The following POU6F2 variants were observed in gnomAD, a reference collection of about 807,000 sequenced individuals.
The protein encoded by POU6F2 is POU domain, class 6, transcription factor 2.
A neutral mutation model predicts 71.3 loss-of-function variants in POU6F2; 31 were observed. The observed-to-expected ratio is 0.43, with a 90% confidence interval of 0.33 to 0.59. POU6F2 has a LOEUF of 0.59. Among genes scored for constraint, POU6F2 ranks in the 20% least tolerant of loss-of-function variants. The pLI, the probability that POU6F2 is intolerant of heterozygous loss-of-function variation, is 0.04. For synonymous variants in POU6F2, 347 were observed against 355.7 expected, an observed-to-expected ratio of 0.98 and a Z score of 0.27; for missense variants, 783 against 856.8, an observed-to-expected ratio of 0.91 and a Z score of 1.07.
At chr7:39,042,832 G>A (rs1421904473) in intron 1 of POU6F2, among the ~76,000 whole-genome samples, 2 of 149,116 alleles carry the variant, frequency 1.3e-5, no homozygotes, top group African/African-American at 5.1e-5. Context: ...GCTAAGTCGT[G>A]CCTTCAGGGC....
At chr7:39,200,966 G>A (rs1284200487) in intron 2 of POU6F2, among the ~76,000 whole-genome samples, 4 of 152,064 alleles carry the variant, frequency 2.6e-5, no homozygotes, top group Non-Finnish European at 5.9e-5. Context: ...GATCAAGGTT[G>A]CAGTGAGCAA....
intron 2 of POU6F2, among the ~76,000 whole-genome samples, chr7:39,182,136 C>T (rs1793447227): frequency 6.6e-6 from 1 of 152,178 alleles, no homozygotes; most frequent in Non-Finnish European, 1.5e-5. Flanking sequence ...ATAATATTGA[C>T]ATTGTAAATG....
rs60869724 is a variant in POU6F2 at position 39,206,651 on chromosome 7, G to T, written c.370-741G>T. Among the ~76,000 whole-genome samples, 3 of 152,208 alleles carry T rather than the reference G, an allele frequency of 2.0e-5. No individual in the cohort carries two copies. The East Asian group carries it at 5.8e-4, about 29-fold the overall frequency. On this transcript the variant is annotated intron_variant, in intron 3 of 9. Transcript: ENST00000518318. The stretch of plus-strand genomic sequence containing the variant: ...ACATTTTCTATTTTTCTAAAGAGGT[G>T]TCATAATGATCCATTTTAATGACTA...
At chr7:39,042,553 C>T (rs1790211963) in intron 1 of POU6F2, among the ~76,000 whole-genome samples, 1 of 151,854 alleles carries the variant, frequency 6.6e-6, no homozygotes. Flanking sequence ...GTAGCATGAA[C>T]AAGAAAAAAA....
At chr7:39,358,627 C>T (rs1424935525) in intron 5 of POU6F2, among the ~76,000 whole-genome samples, 1 of 152,078 alleles carries the variant, frequency 6.6e-6, no homozygotes, top group Non-Finnish European at 1.5e-5. Flanking sequence ...ATTTAAGGCT[C>T]AAGGGCAATA....
chr7:39,201,932 G>C (rs1793913934), intron 2 of POU6F2, among the ~76,000 whole-genome samples: 1 of 152,124 alleles, frequency 6.6e-6, no homozygotes, highest in Admixed American at 6.6e-5. Context: ...CATCTGTTTG[G>C]GGAAAATGGG....
At chr7:39,064,315 G>C (rs1790714362) in intron 1 of POU6F2, among the ~76,000 whole-genome samples, 1 of 151,890 alleles carries the variant, frequency 6.6e-6, no homozygotes, top group Admixed American at 6.6e-5. Context: ...CATTGAGAAA[G>C]GGTGCTTCAA....
intron 1 of POU6F2, among the ~76,000 whole-genome samples, chr7:39,082,794 GCA>G (rs35710081): frequency 0.049 from 6,648 of 137,034 alleles, 141 homozygotes; most frequent in Middle Eastern, 0.076. Context: ...ACCATGTCAT[GCA>G]CACACACACA....
rs1045061753 is a variant in POU6F2 at position 39,461,755 on chromosome 7, A to G, written c.1658+1040A>G. Among the ~76,000 whole-genome samples the G allele has an allele frequency of 3.3e-5, 5 of 152,314 alleles. No homozygotes were observed. In the East Asian group the frequency reaches 9.6e-4, roughly 29 times the overall value. On this transcript the variant is annotated intron_variant, in intron 9 of 9. Coordinates refer to ENST00000518318, the MANE Select transcript of POU6F2 (RefSeq NM_001370959.1). ...TTGATTGTTGTTAAATACAAAAAGC[A>G]CCATAGGATCCTCTCACTTCTATGG... is the stretch of plus-strand genomic sequence containing the variant.
At chr7:39,366,923 C>T (rs547982569) in intron 5 of POU6F2, among the ~76,000 whole-genome samples, 148 of 152,098 alleles carry the variant, frequency 9.7e-4, no homozygotes, top group Non-Finnish European at 2.0e-3. Context: ...GGCTTACTTC[C>T]GGTGGCCTCC....
intron 1 of POU6F2, among the ~76,000 whole-genome samples, chr7:39,052,557 G>A (rs1047110867): frequency 1.3e-5 from 2 of 152,004 alleles, no homozygotes; most frequent in Non-Finnish European, 2.9e-5. Flanking sequence ...TGGGAGAAAC[G>A]GCCCCCATGA....
intron 2 of POU6F2, among the ~76,000 whole-genome samples, chr7:39,142,183 T>C (rs1047122656): frequency 6.6e-5 from 10 of 152,166 alleles, no homozygotes; most frequent in Admixed American, 5.2e-4. Flanking sequence ...TGTAAGGTCA[T>C]CTCTTTAACT....
chr7:39,451,093 A>G (rs1788649308), intron 7 of POU6F2, among the ~76,000 whole-genome samples: 1 of 152,132 alleles, frequency 6.6e-6, no homozygotes, highest in Non-Finnish European at 1.5e-5. Context: ...TTCTAAAAAT[A>G]CCAGTTTACA....
chr7:39,246,238 G>A (rs1173956787), intron 4 of POU6F2, among the ~76,000 whole-genome samples: 6 of 152,182 alleles, frequency 3.9e-5, no homozygotes, highest in Admixed American at 3.9e-4. Flanking sequence ...GCATGGTGAT[G>A]GGCACTGGGA....
chr7:39,316,847 T>C (rs1785277048), intron 4 of POU6F2, among the ~76,000 whole-genome samples: 1 of 151,976 alleles, frequency 6.6e-6, no homozygotes, highest in South Asian at 2.1e-4. Context: ...TTGATTTTGT[T>C]AACCACCTAA....
At chr7:39,364,740 A>G (rs1325077887) in intron 5 of POU6F2, among the ~76,000 whole-genome samples, 1 of 152,194 alleles carries the variant, frequency 6.6e-6, no homozygotes, top group African/African-American at 2.4e-5. Context: ...GTGTGCAAGT[A>G]TCTTTTCCGT....
chr7:39,365,817 G>A (rs1299991644), intron 5 of POU6F2, among the ~76,000 whole-genome samples: 2 of 152,350 alleles, frequency 1.3e-5, no homozygotes, highest in South Asian at 2.1e-4. Flanking sequence ...ATGTGAAACA[G>A]TCCTTCTAGG....
chr7:39,313,508 T>C (rs889055471), intron 4 of POU6F2, among the ~76,000 whole-genome samples: 1 of 152,190 alleles, frequency 6.6e-6, no homozygotes. Context: ...TCTGTTTTCT[T>C]TTTCTTTATT....
chr7:39,198,664 A>G (rs1384412642), intron 2 of POU6F2, among the ~76,000 whole-genome samples: 1 of 152,248 alleles, frequency 6.6e-6, no homozygotes, highest in Non-Finnish European at 1.5e-5. Flanking sequence ...GGCTTGTAGA[A>G]TTAGCCTTAG....
Sources: allele counts gnomAD v4.1 joint callset (sites outside exome capture counted in the v4.1 genomes callset), GRCh38; gene constraint gnomAD v4.1.1; transcripts MANE v1.5; gene names NCBI Gene and HGNC (gene_info 2026-07-23, HGNC 2026-07-21).